The following FASN variants were observed in gnomAD, a reference collection of about 807,000 sequenced individuals.
FASN encodes the protein 3-hydroxyacyl-[acyl-carrier-protein] dehydratase.
In FASN, 50 loss-of-function variants were observed where a neutral mutation model predicts 250.0. The observed-to-expected ratio is 0.20, with a 90% CI of 0.16 to 0.25. The LOEUF (loss-of-function observed/expected upper bound fraction) is 0.25, where lower values mean the gene tolerates loss of function less well. FASN is among the 10% of genes least tolerant of loss of function. The pLI is 1.00. For synonymous variants in FASN, 1,909 were observed against 1,584.0 expected (o/e 1.21, Z -4.87); for missense variants, 3,031 against 3,498.5 (o/e 0.87, Z 3.37).
rs371001301 is a variant in FASN, at chr17:82,084,012, G to A, written c.5061C>T (p.Ile1687=). Residue 1687 remains isoleucine, a synonymous_variant, in exon 29 of 43, where the codon ATC becomes ATT. Transcript: ENST00000306749. The stretch of plus-strand genomic sequence containing the variant: ...AGACGCGGCAGCCCAGACTGAGGGC[G>A]ATGGCGATGGCGGCCTGGCCCACGC... The part of the protein sequence containing the change: ...SGGVGQAAIA[I]ALSLGCRVFT... The A allele has an allele frequency of 8.1e-5, 124 of 1,539,250 alleles. No homozygotes were observed. In the African/African-American group the frequency reaches 1.5e-3, roughly 18 times the overall value.
rs751499403 is a variant in FASN, at chr17:82,093,575, G to A, written c.454+23C>T. On this transcript the variant is annotated intron_variant, in intron 4 of 42. Transcript: ENST00000306749. Reference sequence around the variant, plus strand: ...GGGGACCTGAAGGCCACCCACCTCCGCAGGAGGCTGGGCAGGACCCACCTC... The same window carrying A: ...GGGGACCTGAAGGCCACCCACCTCCACAGGAGGCTGGGCAGGACCCACCTC... The A allele has an allele frequency of 8.7e-6, 14 of 1,612,534 alleles. No individual in the cohort carries two copies. The East Asian group carries it at 1.1e-4, about 13-fold the overall frequency.
Position 82,080,217 on chromosome 17 carries a change from G to T in FASN, c.7069C>A (p.Pro2357Thr). The T allele has an allele frequency of 2.5e-6, 4 of 1,613,152 alleles. No homozygotes were observed. The highest frequency in any genetic ancestry group is 3.4e-6 in the Non-Finnish European group (4 of 1,180,012). The change falls in exon 41 of 43, where the codon CCA becomes ACA. Residue 2357 changes from proline (P) to threonine (T), a missense_variant. Transcript: ENST00000306749. ...YTQSYRAKLTPGCEAEAETEA... is the reference protein window; with the variant it reads ...YTQSYRAKLTTGCEAEAETEA... ...GTCTCAGCCTCAGCCTCACAGCCTG[G>T]GGTCAGCTTTGCCCGGTAGCTCTGA...
chr17:82,089,588 C>T (rs1208169033), intron 12 of FASN, 44 bp downstream of exon 12: 25 of 1,557,890 alleles, frequency 1.6e-5, no homozygotes, highest in African/African-American at 2.7e-5. Context: ...CTTGCAATGG[C>T]AGGCGCAGGG....
intron 37 of FASN, 33 bp from the exon 38 acceptor site, chr17:82,081,385 AG>A: frequency 6.4e-7 from 1 of 1,560,550 alleles, no homozygotes; most frequent in Non-Finnish European, 8.7e-7. Flanking sequence ...GCAACTCCAG[AG>A]GGGGCATGGG....
Position 82,081,149 on chromosome 17 carries a change from G to A in FASN, c.6595+15C>T. On this transcript the variant is annotated intron_variant, in intron 38 of 42. Coordinates refer to ENST00000306749, the MANE Select transcript of FASN (RefSeq NM_004104.5). ...GGCCCGGGGACCCCACTCCCGCCTG[G>A]CCACCCACACGCACCGCTGGCCTCA... is the stretch of plus-strand genomic sequence containing the variant. 3 of 1,568,224 alleles carry A rather than the reference G, an allele frequency of 1.9e-6. No homozygotes were observed. The highest frequency in any genetic ancestry group is 2.6e-6 in the Non-Finnish European group (3 of 1,158,392).
intron 33 of FASN, 59 bp downstream of exon 33, chr17:82,082,855 T>C: frequency 6.3e-7 from 1 of 1,594,572 alleles, no homozygotes; most frequent in Admixed American, 1.7e-5. Context: ...AGAGAAGGGC[T>C]CAGGGGCCCG....
At chr17:82,089,749 G>A (rs763619729) in intron 11 of FASN, 23 bp from the exon 12 acceptor site, 18 of 1,564,736 alleles carry the variant, frequency 1.2e-5, no homozygotes, top group Non-Finnish European at 1.5e-5. Context: ...CAGCCTCAGA[G>A]GCTTAGCGTG....
Position 82,091,604 on chromosome 17 carries a change from C to T in FASN, c.1110G>A (p.Leu370=), listed in dbSNP as rs1251691197. The change falls in exon 9 of 43, where the codon TTG becomes TTA. Residue 370 remains leucine, a synonymous_variant. Coordinates refer to ENST00000306749, the MANE Select transcript of FASN (RefSeq NM_004104.5). ...GGTCCACCACCTGCAGCCGCCCATCCAACAGCGCTGGGATCTCAGGGTTGG... is the reference window on the plus strand; with the variant it reads ...GGTCCACCACCTGCAGCCGCCCATCTAACAGCGCTGGGATCTCAGGGTTGG... ...HSPNPEIPAL[L]DGRLQVVDQP... 3.8e-6 allele frequency: 6 copies of T among 1,592,484 alleles called. No individual in the cohort carries two copies. Among genetic ancestry groups the T allele is most frequent in the Non-Finnish European group, 5.1e-6 (6 of 1,171,284 alleles).
intron 2 of FASN, among the ~76,000 whole-genome samples, chr17:82,095,816 G>A (rs547799605): frequency 2.6e-5 from 4 of 152,366 alleles, no homozygotes; most frequent in East Asian, 1.9e-4. Context: ...AGGTAGAGCT[G>A]CTCTGTGGAA....
At position 82,079,357 on chromosome 17, in the gene FASN, C is replaced by T; in HGVS notation, c.7398G>A (p.Gln2466=). The change falls in exon 42 of 43, where the codon CAG becomes CAA. Residue 2466 remains glutamine (Q), a splice_region_variant and synonymous_variant. Coordinates refer to ENST00000306749, the MANE Select transcript of FASN (RefSeq NM_004104.5). ...EDLGADYNLS[Q]VCDGKVSVHV... ...CGTTCCCGTCAGGCCCCTTGCGCACCTGGGAGAGGTTGTAGTCCGCGCCCA... is the reference window on the plus strand; with the variant it reads ...CGTTCCCGTCAGGCCCCTTGCGCACTTGGGAGAGGTTGTAGTCCGCGCCCA... 6.2e-7 allele frequency: 1 copy of T among 1,613,066 alleles called. No individual in the cohort carries two copies. Among genetic ancestry groups the T allele is most frequent in the Non-Finnish European group, 8.5e-7 (1 of 1,179,992 alleles).
At chr17:82,095,029 C>G (rs539688264) in intron 3 of FASN, among the ~76,000 whole-genome samples, 2 of 152,108 alleles carry the variant, frequency 1.3e-5, no homozygotes, top group African/African-American at 4.8e-5. Context: ...TGCTTTGCCT[C>G]TCGTCACTCC....
In FASN at chr17:82,086,240, C is replaced by G. The variant is rs1297221181; in HGVS notation, c.3732+14G>C. 6.5e-7 allele frequency: 1 copy of G among 1,549,948 alleles called. No homozygotes were observed. Among genetic ancestry groups the G allele is most frequent in the Non-Finnish European group, 8.7e-7 (1 of 1,154,464 alleles). On this transcript the variant is annotated intron_variant, in intron 22 of 42. Coordinates refer to ENST00000306749, the MANE Select transcript of FASN (RefSeq NM_004104.5). The stretch of plus-strand genomic sequence containing the variant: ...TGTCCGGGGCAGAGGCCTGGCTGCC[C>G]AGGAGGCACCCACCTCCACCACCTT...
chr17:82,083,730 A>T, intron 30 of FASN, 42 bp downstream of exon 30: 1 of 1,610,154 alleles, frequency 6.2e-7, no homozygotes, highest in South Asian at 1.1e-5. Context: ...CCTGGGCCGG[A>T]GGCTAGGCAG....
chr17:82,086,777 T>C (rs2034110336), intron 21 of FASN, among the ~76,000 whole-genome samples: 1 of 152,248 alleles, frequency 6.6e-6, no homozygotes, highest in Admixed American at 6.5e-5. Context: ...CAGGGGCTAC[T>C]CTGTGCCTAG....
Position 82,079,287 on chromosome 17 carries a change from G to T in FASN, c.7399-7C>A. The T allele has an allele frequency of 1.2e-6, 2 of 1,613,048 alleles. No individual in the cohort carries two copies. Among genetic ancestry groups the T allele is most frequent in the Non-Finnish European group, 1.7e-6 (2 of 1,179,944 alleles). ...ATACTTTCCCGTCGCATACCTGCAG[G>T]GGATGCGATCAGCTGCCGTCCCACC... is the stretch of plus-strand genomic sequence containing the variant. On this transcript the variant is annotated splice_region_variant and splice_polypyrimidine_tract_variant and intron_variant, in intron 42 of 42. Coordinates refer to ENST00000306749, the MANE Select transcript of FASN (RefSeq NM_004104.5).
At position 82,080,393 on chromosome 17, in the gene FASN, TG is replaced by T; in HGVS notation, c.7023del (p.Thr2342ProfsTer14). 6.2e-7 allele frequency: 1 copy of T among 1,602,916 alleles called. No homozygotes were observed. On this transcript the variant is annotated frameshift_variant, in exon 40 of 43. Coordinates refer to ENST00000306749, the MANE Select transcript of FASN (RefSeq NM_004104.5). LOFTEE classifies it high-confidence loss of function. Reference protein sequence around the residue: ...HNSLFLFDGSPTYVLAYTQSY... With the variant: ...HNSLFLFDGSXTYVLAYTQSY... ...ACCTGGGTGTAGGCCAGTACGTAGG[TG>T]GGCGAGCCGTCGAACAGGAAGAGGC... is the stretch of plus-strand genomic sequence containing the variant.
At position 82,079,489 on chromosome 17, in the gene FASN, G is replaced by A. The variant is rs768342142; in HGVS notation, c.7266C>T (p.Ser2422=). 2.5e-6 allele frequency: 4 copies of A among 1,612,616 alleles called. No individual in the cohort carries two copies. The highest frequency in any genetic ancestry group is 2.7e-5 in the African/African-American group (2 of 74,916). The change falls in exon 42 of 43, where the codon TCC becomes TCT. Residue 2422 remains serine (S), a synonymous_variant. Transcript: ENST00000306749. ...CAGCGGCACGCAGCTTGTAGTAGAAGGACCGGGCCGCAAAGCTCAGCTCCT... is the reference window on the plus strand; with the variant it reads ...CAGCGGCACGCAGCTTGTAGTAGAAAGACCGGGCCGCAAAGCTCAGCTCCT... ...DRQELSFAAR[S]FYYKLRAAEQ...
chr17:82,078,419 A>C lies in FASN; in HGVS notation c.*724T>G. ...GGTGTAAAAATGAAACGGGGTCCAG[A>C]CGTGTACACTGACAGTTACAGTAAA... On this transcript the variant is annotated 3_prime_UTR_variant, in exon 43 of 43. Transcript: ENST00000306749. This position sits in a 1 kb window ranked among gnomAD's most constrained non-coding sequence, Gnocchi z 5.4. 1 of 152,818 alleles carries C rather than the reference A, an allele frequency of 6.5e-6. No homozygotes were observed. The highest frequency in any genetic ancestry group is 1.5e-5 in the Non-Finnish European group (1 of 68,540). The allele number at this position is 152,818 out of a possible 1,614,324, so 9.5% of individuals were successfully genotyped here. A position where few individuals can be genotyped will look rare whatever the true frequency, so the allele number is the denominator to read the frequency against.
intron 23 of FASN, 32 bp from the exon 24 acceptor site, chr17:82,085,434 C>T: frequency 6.2e-7 from 1 of 1,600,798 alleles, no homozygotes; most frequent in Non-Finnish European, 8.5e-7. Context: ...CCCTGCCCGC[C>T]TGGCCCTCAC....
Sources: allele counts gnomAD v4.1 joint callset (sites outside exome capture counted in the v4.1 genomes callset), GRCh38; gene constraint gnomAD v4.1.1; non-coding constraint Gnocchi (gnomAD v3.1); transcripts MANE v1.5; gene names NCBI Gene and HGNC (gene_info 2026-07-23, HGNC 2026-07-21).